Variants in DST observed in about 807,000 individuals in gnomAD.
DST encodes bullous pemphigoid antigen.
A neutral mutation model predicts 875.2 loss-of-function variants in DST; 253 were observed. The observed-to-expected ratio is 0.29, with a 90% CI of 0.26 to 0.32. The LOEUF is 0.32. DST is among the 10% of genes least tolerant of loss of function. The pLI is 1.00. For missense variants in DST, 8,287 were observed against 9,111.6 expected, an observed-to-expected ratio of 0.91 and a Z score of 3.68; for synonymous variants, 3,124 against 3,197.1, an observed-to-expected ratio of 0.98 and a Z score of 0.77.
chr6:56,524,135 A>G (rs1295177888), intron 69 of DST, among the ~76,000 whole-genome samples: 3 of 152,176 alleles, frequency 2.0e-5, no homozygotes, highest in African/African-American at 7.2e-5. Context: ...CCAAACATCT[A>G]TAAGTAGGCA....
intron 61 of DST, among the ~76,000 whole-genome samples, chr6:56,549,632 C>G (rs1037825827): frequency 2.0e-5 from 3 of 152,164 alleles, no homozygotes; most frequent in Admixed American, 6.5e-5. Context: ...ATCATCATCA[C>G]CCTTATCATA....
Position 56,552,437 on chromosome 6 carries a change from G to A in DST, c.16355C>T (p.Thr5452Ile). 1 of 1,613,978 alleles carries A rather than the reference G, an allele frequency of 6.2e-7. No individual in the cohort carries two copies. The highest frequency in any genetic ancestry group is 1.3e-5 in the African/African-American group (1 of 75,060). ...AACAAGGTCAGGAGAGGTTTCTTCTGTGGCTAACATCATCTTGCAGGTTTT... is the reference window on the plus strand; with the variant it reads ...AACAAGGTCAGGAGAGGTTTCTTCTATGGCTAACATCATCTTGCAGGTTTT... ...ANKTCKMMLA[T>I]EETSPDLVGI... Residue 5452 changes from threonine (T) to isoleucine (I), a missense_variant, in exon 61 of 104, where the codon ACA becomes ATA. This residue lies in a region of DST where 777 missense variants were observed against 764.8 expected (regional missense o/e 1.02). Coordinates refer to ENST00000680361, the MANE Select transcript of DST (RefSeq NM_001374736.1).
chr6:56,818,280 C>T (rs1418072867), intron 4 of DST, among the ~76,000 whole-genome samples: 3 of 151,890 alleles, frequency 2.0e-5, no homozygotes, highest in African/African-American at 4.8e-5. Flanking sequence ...AAAACAAGGA[C>T]CACTGTTATC....
chr6:56,537,047 C>T lies in DST; in HGVS notation c.16609-107G>A, dbSNP rs140584025. On this transcript the variant is annotated intron_variant, in intron 61 of 103. Transcript: ENST00000680361. ...AGGTTGTGGAAACCATCAATTATTA[C>T]AGAGGTAAAGATAATTTTTATTGTC... 2.0e-5 allele frequency: 19 copies of T among 964,720 alleles called. No homozygotes were observed. The African/African-American group carries it at 2.9e-4, about 15-fold the overall frequency. 59.8% of individuals were successfully genotyped at this position (964,720 alleles called of 1,614,324 possible).
intron 5 of DST, among the ~76,000 whole-genome samples, chr6:56,717,638 T>C (rs915576043): frequency 6.6e-6 from 1 of 152,166 alleles, no homozygotes; most frequent in Non-Finnish European, 1.5e-5. Context: ...GAGATGTCTT[T>C]TCAGGTTTTT....
chr6:56,517,352 T>C (rs1429486292), intron 70 of DST, 47 bp from the exon 71 acceptor site: 1 of 1,591,816 alleles, frequency 6.3e-7, no homozygotes, highest in Non-Finnish European at 8.6e-7. Context: ...AGAAATTGTA[T>C]GACTAAAATG....
Position 56,779,176 on chromosome 6 carries a change from C to T in DST, c.626-43887G>A, listed in dbSNP as rs527467082. Among the ~76,000 whole-genome samples, 43 of 152,066 alleles carry T rather than the reference C, an allele frequency of 2.8e-4. 1 individual carries two copies. The highest frequency in any genetic ancestry group is 4.6e-4 in the Non-Finnish European group (31 of 68,002). ...TTCATGTGTCTTTTGGCTGCATAAA[C>T]GTCTTCTTTTGAGAAGTGTCTGTTC... On this transcript the variant is annotated intron_variant, in intron 4 of 103. Transcript: ENST00000680361.
At chr6:56,558,730 C>T (rs2097475797) in intron 58 of DST, among the ~76,000 whole-genome samples, 1 of 152,156 alleles carries the variant, frequency 6.6e-6, no homozygotes, top group Non-Finnish European at 1.5e-5. Flanking sequence ...GCCTGACATT[C>T]AAGGCCTCCC....
intron 4 of DST, among the ~76,000 whole-genome samples, chr6:56,833,528 T>C (rs543931398): frequency 1.3e-5 from 2 of 152,176 alleles, no homozygotes; most frequent in East Asian, 1.9e-4. Context: ...ATGCTTAAAA[T>C]AGAACAGTTC....
chr6:56,557,264 G>A (rs2152561905), intron 59 of DST, 55 bp downstream of exon 59: 1 of 1,497,650 alleles, frequency 6.7e-7, no homozygotes, highest in East Asian at 2.3e-5. Context: ...GAAAACATTG[G>A]TCTCAGTAAG....
intron 72 of DST, among the ~76,000 whole-genome samples, chr6:56,511,725 A>G (rs1015586573): frequency 2.0e-5 from 3 of 152,164 alleles, no homozygotes; most frequent in Non-Finnish European, 4.4e-5. Flanking sequence ...CATATTATAT[A>G]AAAGTATTCT....
chr6:56,764,439 T>C (rs2099627454), intron 4 of DST, among the ~76,000 whole-genome samples: 1 of 152,152 alleles, frequency 6.6e-6, no homozygotes, highest in Admixed American at 6.5e-5. Flanking sequence ...TACACTCCCT[T>C]TGCACTAGTA....
At chr6:56,845,138 C>A (rs2099805789) in intron 4 of DST, among the ~76,000 whole-genome samples, 2 of 152,178 alleles carry the variant, frequency 1.3e-5, no homozygotes, top group African/African-American at 4.8e-5. Context: ...CAGGATGATA[C>A]CTCATTGCTA....
intron 2 of DST, among the ~76,000 whole-genome samples, chr6:56,919,748 G>A (rs950495771): frequency 2.6e-5 from 4 of 151,996 alleles, no homozygotes; most frequent in African/African-American, 9.7e-5. Context: ...GGAGTTTGAG[G>A]GCAGCCTGGC....
At chr6:56,506,079 T>A (rs2096302832) in intron 77 of DST, among the ~76,000 whole-genome samples, 1 of 152,160 alleles carries the variant, frequency 6.6e-6, no homozygotes, top group African/African-American at 2.4e-5. Flanking sequence ...CTTATTCCAC[T>A]CAGAACAGAA....
chr6:56,477,274 T>C (rs2152411745), intron 91 of DST, 71 bp downstream of exon 91: 1 of 1,505,026 alleles, frequency 6.6e-7, no homozygotes, highest in Non-Finnish European at 8.9e-7. Flanking sequence ...GCATCTTAAT[T>C]CCTGAAATTT....
chr6:56,618,015 C>G lies in DST; in HGVS notation c.4930-3531G>C. On this transcript the variant is annotated intron_variant, in intron 36 of 103. Coordinates refer to ENST00000680361, the MANE Select transcript of DST (RefSeq NM_001374736.1). ...AAGGGTGTCAAAACCTTCACCAGTTCCATTTCACATGCGTTATCTTGATAC... is the reference window on the plus strand; with the variant it reads ...AAGGGTGTCAAAACCTTCACCAGTTGCATTTCACATGCGTTATCTTGATAC... 3 of 1,614,102 alleles carry G rather than the reference C, an allele frequency of 1.9e-6. 1 individual carries two copies. In the South Asian group the frequency reaches 3.3e-5, roughly 18 times the overall value.
At chr6:56,463,854 C>A (rs2094453050) in intron 100 of DST, 90 bp from the exon 101 acceptor site, 2 of 1,284,410 alleles carry the variant, frequency 1.6e-6, no homozygotes, top group Non-Finnish European at 2.3e-6. Context: ...CCACCTGGCA[C>A]CAGAGATCAC....
At chr6:56,536,758 T>TGAAG (rs758693319) in intron 62 of DST, 21 bp downstream of exon 62, 36 of 1,510,504 alleles carry the variant, frequency 2.4e-5, no homozygotes, top group Non-Finnish European at 3.2e-5. Flanking sequence ...AAAATAGCAA[T>TGAAG]GAAGGGGGTG....
Sources: gnomAD v4.1 joint callset for allele counts (sites outside exome capture counted in the v4.1 genomes callset) on GRCh38, gnomAD v4.1.1 for gene constraint, gnomAD v4.1.1 regional missense constraint, MANE v1.5 for transcripts, NCBI Gene and HGNC (gene_info 2026-07-23, HGNC 2026-07-21) for gene names.